The following CDK6 variants were observed in gnomAD, a reference collection of about 807,000 sequenced individuals.
CDK6 encodes the protein cyclin dependent kinase 6.
CDK6 carries 6 observed loss-of-function variants against 37.1 expected under a neutral mutation model. That is an observed-to-expected ratio of 0.16 (90% CI 0.09 to 0.32). The LOEUF is 0.32. CDK6 is among the 10% of genes least tolerant of loss of function. The pLI is 1.00. For missense variants in CDK6, 224 were observed against 418.9 expected, an observed-to-expected ratio of 0.53 and a Z score of 4.06; for synonymous variants, 160 against 161.3, an observed-to-expected ratio of 0.99 and a Z score of 0.06.
In CDK6 at chr7:92,833,569, G is replaced by A; in HGVS notation, c.-246C>T. ...GCGAAACTCCGCCTGCAGAGTCGCCGCCGCCGCCGCCGCCGGAGGAGCGAG... is the reference window on the plus strand; with the variant it reads ...GCGAAACTCCGCCTGCAGAGTCGCCACCGCCGCCGCCGCCGGAGGAGCGAG... On this transcript the variant is annotated 5_prime_UTR_variant, in exon 2 of 8. Transcript: ENST00000424848. This position sits in a 1 kb window ranked among gnomAD's most constrained non-coding sequence, Gnocchi z 6.1. 2 of 539,108 alleles carry A rather than the reference G, an allele frequency of 3.7e-6. No individual in the cohort carries two copies. The highest frequency in any genetic ancestry group is 3.2e-6 in the Non-Finnish European group (1 of 311,976). The allele number at this position is 539,108 out of a possible 1,614,324, so 33.4% of individuals were successfully genotyped here.
chr7:92,710,336 C>T (rs978577745), intron 4 of CDK6, among the ~76,000 whole-genome samples: 8 of 152,192 alleles, frequency 5.3e-5, no homozygotes, highest in African/African-American at 1.7e-4. Context: ...CCCCTGCTTC[C>T]TCACCTACTG....
intron 3 of CDK6, among the ~76,000 whole-genome samples, chr7:92,731,735 T>C (rs1798655548): frequency 6.6e-6 from 1 of 151,554 alleles, no homozygotes; most frequent in African/African-American, 2.4e-5. Context: ...AAAGAATCAG[T>C]CTCAACTAAC....
chr7:92,813,061 C>G (rs1210537120), intron 2 of CDK6, among the ~76,000 whole-genome samples: 2 of 152,132 alleles, frequency 1.3e-5, no homozygotes, highest in African/African-American at 2.4e-5. Flanking sequence ...CATGATCTAA[C>G]AACTTTTTTT....
At chr7:92,683,676 A>G (rs1445487873) in intron 4 of CDK6, among the ~76,000 whole-genome samples, 1 of 152,124 alleles carries the variant, frequency 6.6e-6, no homozygotes, top group Non-Finnish European at 1.5e-5. Context: ...CCAGGCTACC[A>G]GAAATGAATT....
At chr7:92,620,207 A>G (rs947222603) in intron 6 of CDK6, among the ~76,000 whole-genome samples, 1 of 152,248 alleles carries the variant, frequency 6.6e-6, no homozygotes, top group Non-Finnish European at 1.5e-5. Flanking sequence ...GAGGAACAGC[A>G]CATCTCTGTT....
At chr7:92,653,948 C>T (rs6954221) in intron 5 of CDK6, among the ~76,000 whole-genome samples, 31,137 of 152,062 alleles carry the variant, frequency 0.2, 3,881 homozygotes, top group Middle Eastern at 0.37. Flanking sequence ...ATTCTTTATC[C>T]TTCATGTTTG....
intron 3 of CDK6, among the ~76,000 whole-genome samples, chr7:92,760,897 CT>C (rs903952584): frequency 5.3e-5 from 8 of 152,024 alleles, no homozygotes; most frequent in African/African-American, 1.9e-4. Context: ...TAATCATCCC[CT>C]ATGGTACATT....
At chr7:92,655,746 A>C (rs751564775) in intron 5 of CDK6, among the ~76,000 whole-genome samples, 13 of 152,262 alleles carry the variant, frequency 8.5e-5, no homozygotes, top group Non-Finnish European at 1.9e-4. Context: ...GGTAAAATCT[A>C]ATCTCCACTA....
Position 92,834,122 on chromosome 7 carries a change from G to T in CDK6, c.-367-432C>A, listed in dbSNP as rs1461460988. Among the ~76,000 whole-genome samples, 1 of 152,086 alleles carries T rather than the reference G, an allele frequency of 6.6e-6. No individual in the cohort carries two copies. The highest frequency in any genetic ancestry group is 1.5e-5 in the Non-Finnish European group (1 of 68,018). On this transcript the variant is annotated intron_variant, in intron 1 of 7. Transcript: ENST00000424848. This position sits in a 1 kb window ranked among gnomAD's most constrained non-coding sequence, Gnocchi z 4.6. Reference sequence around the variant, plus strand: ...AGGCCCGGACGTGCAGGGAGACGGGGTCCAGGGGTGCCGGAGGGCGTTCAG... The same window carrying T: ...AGGCCCGGACGTGCAGGGAGACGGGTTCCAGGGGTGCCGGAGGGCGTTCAG...
rs1333671085 is a variant in CDK6 at position 92,833,767 on chromosome 7, T to TC, written c.-367-78dup. 2.5e-6 allele frequency: 1 copy of TC among 405,952 alleles called. No individual in the cohort carries two copies. Among genetic ancestry groups the TC allele is most frequent in the Non-Finnish European group, 4.3e-6 (1 of 231,458 alleles). 25.1% of individuals were successfully genotyped at this position (405,952 alleles called of 1,614,324 possible). A position where few individuals can be genotyped will look rare whatever the true frequency, so the allele number is the denominator to read the frequency against. On this transcript the variant is annotated intron_variant, in intron 1 of 7. Coordinates refer to ENST00000424848, the MANE Select transcript of CDK6 (RefSeq NM_001145306.2). The surrounding 1 kb of genome is among the most constrained non-coding windows in gnomAD (Gnocchi z 6.1). ...AGCCTTCCTCGGGGTTCCTCCAGAC[T>TC]CCCCTCCTCCTCCTTTACGAAGCCT...
intron 5 of CDK6, among the ~76,000 whole-genome samples, chr7:92,639,752 T>G (rs1796258910): frequency 6.6e-6 from 1 of 152,190 alleles, no homozygotes; most frequent in African/African-American, 2.4e-5. Context: ...GCTGGAAGCC[T>G]GGCACCATTG....
chr7:92,748,853 G>T (rs1010512007), intron 3 of CDK6, among the ~76,000 whole-genome samples: 1 of 152,108 alleles, frequency 6.6e-6, no homozygotes, highest in Non-Finnish European at 1.5e-5. Context: ...TAGAATTAAT[G>T]AATGTGATTT....
At chr7:92,791,910 C>T (rs982863187) in intron 2 of CDK6, among the ~76,000 whole-genome samples, 8 of 152,064 alleles carry the variant, frequency 5.3e-5, no homozygotes, top group African/African-American at 1.2e-4. Flanking sequence ...GAAAAGTACA[C>T]AGAAGTGAAA....
At chr7:92,624,379 A>G (rs1795876987) in intron 5 of CDK6, among the ~76,000 whole-genome samples, 1 of 152,164 alleles carries the variant, frequency 6.6e-6, no homozygotes, top group African/African-American at 2.4e-5. Context: ...AGAAGAAGCC[A>G]TTTGGACACA....
At chr7:92,683,713 G>A (rs1797387153) in intron 4 of CDK6, among the ~76,000 whole-genome samples, 1 of 152,156 alleles carries the variant, frequency 6.6e-6, no homozygotes, top group South Asian at 2.1e-4. Context: ...CTGTGGTGGG[G>A]GGGGGGTCCC....
rs138101754 is a variant in CDK6 at position 92,628,020 on chromosome 7, C to T, written c.648-4934G>A. On this transcript the variant is annotated intron_variant, in intron 5 of 7. Coordinates refer to ENST00000424848, the MANE Select transcript of CDK6 (RefSeq NM_001145306.2). ...TTAAAGTATAGTGACAAACATTTTACCATATATTCAATCAAGTACTTGTCT... is the reference window on the plus strand; with the variant it reads ...TTAAAGTATAGTGACAAACATTTTATCATATATTCAATCAAGTACTTGTCT... Among the ~76,000 whole-genome samples the T allele has an allele frequency of 2.6e-5, 4 of 152,150 alleles. No homozygotes were observed. In the East Asian group the frequency reaches 7.7e-4, roughly 29 times the overall value.
intron 2 of CDK6, among the ~76,000 whole-genome samples, chr7:92,831,718 C>T (rs1420181315): frequency 6.6e-6 from 1 of 152,132 alleles, no homozygotes; most frequent in Admixed American, 6.5e-5. Flanking sequence ...CATTTACTGC[C>T]TTATTTATAT....
intron 2 of CDK6, among the ~76,000 whole-genome samples, chr7:92,830,594 T>C (rs1801450971): frequency 6.6e-6 from 1 of 152,214 alleles, no homozygotes; most frequent in African/African-American, 2.4e-5. Flanking sequence ...CTGTCCTTAT[T>C]TCCTGACCCT....
Position 92,833,173 on chromosome 7 carries a change from C to T in CDK6, c.151G>A (p.Glu51Lys), listed in dbSNP as rs2116032376. 6.2e-7 allele frequency: 1 copy of T among 1,609,074 alleles called. No individual in the cohort carries two copies. Among genetic ancestry groups the T allele is most frequent in the Non-Finnish European group, 8.5e-7 (1 of 1,178,404 alleles). Residue 51 changes from glutamate (E) to lysine (K), a missense_variant, in exon 2 of 8, where the codon GAG becomes AAG. Glu to Lys is a moderately conservative substitution (Grantham distance 56). Transcript: ENST00000424848. The surrounding 1 kb of genome is among the most constrained non-coding windows in gnomAD (Gnocchi z 6.1). The part of the protein sequence containing the change: ...ALKRVRVQTG[E>K]EGMPLSTIRE... ...ATGGTGGAGAGCGGCATGCCCTCCT[C>T]GCCGGTCTGCACCCGCACGCGCTTC...
Sources: gnomAD v4.1 joint callset for allele counts (sites outside exome capture counted in the v4.1 genomes callset) on GRCh38, gnomAD v4.1.1 for gene constraint, Gnocchi (gnomAD v3.1) non-coding constraint, MANE v1.5 for transcripts, NCBI Gene and HGNC (gene_info 2026-07-23, HGNC 2026-07-21) for gene names.